The following PCDH9 variants were observed in gnomAD, a reference collection of about 807,000 sequenced individuals.
PCDH9 encodes protocadherin-9.
Under a neutral mutation model 70.6 loss-of-function variants are expected in PCDH9, and 24 were observed. That is an observed-to-expected ratio of 0.34 (90% confidence interval 0.25 to 0.48). PCDH9 has a LOEUF of 0.48. PCDH9 is among the 20% of genes least tolerant of loss of function. The pLI, the probability that PCDH9 is intolerant of heterozygous loss-of-function variation, is 0.99. For synonymous variants in PCDH9, 562 were observed against 558.5 expected (o/e 1.01, Z -0.09); for missense variants, 1,281 against 1,503.6 (o/e 0.85, Z 2.45).
intron 4 of PCDH9, among the ~76,000 whole-genome samples, chr13:66,329,310 G>A (rs1955899891): frequency 6.6e-6 from 1 of 152,154 alleles, no homozygotes; most frequent in African/African-American, 2.4e-5. Flanking sequence ...TTTTTACTGA[G>A]ATCTAGGAAA....
intron 3 of PCDH9, among the ~76,000 whole-genome samples, chr13:66,643,947 ACTGT>A (rs1475332633): frequency 3.9e-5 from 6 of 152,136 alleles, no homozygotes; most frequent in African/African-American, 1.4e-4. Context: ...GAGGGAACTT[ACTGT>A]CTAACACAAT....
chr13:66,868,460 T>A (rs1566252934), intron 3 of PCDH9, among the ~76,000 whole-genome samples: 1 of 151,988 alleles, frequency 6.6e-6, no homozygotes, highest in Non-Finnish European at 1.5e-5. Flanking sequence ...TTACACAAAT[T>A]TACCAATGTA....
At chr13:66,750,980 A>T (rs904791851) in intron 3 of PCDH9, among the ~76,000 whole-genome samples, 1 of 152,204 alleles carries the variant, frequency 6.6e-6, no homozygotes, top group Non-Finnish European at 1.5e-5. Context: ...GACATGAAAT[A>T]TCAGAAACGG....
intron 3 of PCDH9, among the ~76,000 whole-genome samples, chr13:66,881,024 T>C (rs187375219): frequency 6.6e-6 from 1 of 152,056 alleles, no homozygotes; most frequent in Admixed American, 6.5e-5. Flanking sequence ...ACATTTTGAG[T>C]TTTCAATGAG....
At chr13:66,315,655 A>G (rs1189820958) in intron 4 of PCDH9, among the ~76,000 whole-genome samples, 2 of 152,010 alleles carry the variant, frequency 1.3e-5, no homozygotes, top group East Asian at 3.9e-4. Flanking sequence ...CTAATTTTGT[A>G]TCTTTAATAG....
intron 2 of PCDH9, among the ~76,000 whole-genome samples, chr13:66,918,077 G>C (rs2082583752): frequency 6.6e-6 from 1 of 151,226 alleles, no homozygotes; most frequent in Admixed American, 6.6e-5. Context: ...AAATGAAGAG[G>C]GTCTCAGTTG....
At chr13:67,214,972 A>ATATATATATATATATATT (rs1566500830) in intron 2 of PCDH9, 1 of 124,354 alleles carries the variant, frequency 8.0e-6, no homozygotes, top group African/African-American at 2.9e-5. Context: ...ATATATATAT[A>ATATATATATATATATATT]TTCACTTAAT....
chr13:66,551,936 A>G (rs1961506172), intron 4 of PCDH9, among the ~76,000 whole-genome samples: 2 of 152,122 alleles, frequency 1.3e-5, no homozygotes, highest in South Asian at 4.2e-4. Flanking sequence ...GACGTATGTG[A>G]TTTTTGTATC....
At chr13:67,165,273 C>T (rs944778393) in intron 2 of PCDH9, among the ~76,000 whole-genome samples, 4 of 151,980 alleles carry the variant, frequency 2.6e-5, no homozygotes, top group African/African-American at 7.3e-5. Flanking sequence ...TACATGATTA[C>T]TTGTACAAAA....
chr13:66,854,600 T>C (rs1186766853), intron 3 of PCDH9, among the ~76,000 whole-genome samples: 1 of 152,086 alleles, frequency 6.6e-6, no homozygotes, highest in African/African-American at 2.4e-5. Flanking sequence ...CCAAGTGTCT[T>C]TTTTAATGTC....
rs1566154188 is a variant in PCDH9, at chr13:66,730,891, G to GT, written c.3139-99481dup. Among the ~76,000 whole-genome samples the GT allele has an allele frequency of 2.1e-3, 87 of 42,108 alleles. 3 individuals are homozygous for GT. Among genetic ancestry groups the GT allele is most frequent in the Middle Eastern group, 0.032 (2 of 62 alleles). 27.6% of individuals were successfully genotyped at this position (42,108 alleles called of 152,430 possible). A position where few individuals can be genotyped will look rare whatever the true frequency, so the allele number is the denominator to read the frequency against. On this transcript the variant is annotated intron_variant, in intron 3 of 4. Coordinates refer to ENST00000377865, the MANE Select transcript of PCDH9 (RefSeq NM_203487.3). ...GTGTGTGTGTGTTTTTTTTTTGTTT[G>GT]TTTCTTTTTTTTTGTGGAGACAGAG...
intron 2 of PCDH9, among the ~76,000 whole-genome samples, chr13:67,141,536 G>A (rs1412770539): frequency 1.3e-5 from 2 of 151,974 alleles, no homozygotes; most frequent in Admixed American, 6.6e-5. Flanking sequence ...CACCTCCCAG[G>A]TTCAAGTGAT....
At position 66,631,351 on chromosome 13, in the gene PCDH9, C is replaced by A; in HGVS notation, c.3199G>T (p.Gly1067Cys). 1 of 1,611,784 alleles carries A rather than the reference C, an allele frequency of 6.2e-7. No individual in the cohort carries two copies. Residue 1067 changes from glycine to cysteine, a missense_variant, in exon 4 of 5, where the codon GGT (glycine) becomes TGT (cysteine). By Grantham distance (159) the Gly-to-Cys change is radical. Transcript: ENST00000377865. ...DGSQESCSDSGLGDHEPVGSG... is the reference protein window; with the variant it reads ...DGSQESCSDSCLGDHEPVGSG... ...CCCACCGGCTCATGGTCTCCTAGAC[C>A]ACTGTCACTGCAGCTTTCCTGGGAG...
intron 4 of PCDH9, among the ~76,000 whole-genome samples, chr13:66,539,968 C>T (rs919043428): frequency 6.8e-6 from 1 of 147,078 alleles, no homozygotes. Context: ...TTTCTGGGCT[C>T]AAGCCATGCT....
chr13:66,743,833 A>C (rs867548918), intron 3 of PCDH9, among the ~76,000 whole-genome samples: 116 of 152,306 alleles, frequency 7.6e-4, no homozygotes, highest in African/African-American at 2.6e-3. Context: ...AAATTTTTAA[A>C]AACTTCTGTA....
At chr13:66,325,168 G>A (rs977290712) in intron 4 of PCDH9, among the ~76,000 whole-genome samples, 2 of 151,980 alleles carry the variant, frequency 1.3e-5, no homozygotes. Flanking sequence ...CAAACTTGAT[G>A]TGTATTTTTA....
intron 4 of PCDH9, among the ~76,000 whole-genome samples, chr13:66,564,321 T>C (rs2076620650): frequency 2.7e-5 from 4 of 149,798 alleles, no homozygotes; most frequent in Admixed American, 2.0e-4. Context: ...CACGCCACTA[T>C]GCACAGCTGA....
chr13:67,091,187 G>A (rs1242232058), intron 2 of PCDH9, among the ~76,000 whole-genome samples: 1 of 151,924 alleles, frequency 6.6e-6, no homozygotes. Context: ...ATTTAAATGA[G>A]TTCTACATCC....
intron 2 of PCDH9, among the ~76,000 whole-genome samples, chr13:66,977,865 T>C (rs1225199477): frequency 1.3e-5 from 2 of 152,064 alleles, no homozygotes; most frequent in African/African-American, 2.4e-5. Flanking sequence ...AGATTTCGCA[T>C]AGAAAATAGC....
Sources: allele counts gnomAD v4.1 joint callset (sites outside exome capture counted in the v4.1 genomes callset), GRCh38; gene constraint gnomAD v4.1.1; transcripts MANE v1.5; gene names NCBI Gene and HGNC (gene_info 2026-07-23, HGNC 2026-07-21).